The following STARD3 variants were observed in gnomAD, a reference collection of about 807,000 sequenced individuals.
STARD3 encodes StAR related lipid transfer domain containing 3.
Under a neutral mutation model 62.0 loss-of-function variants are expected in STARD3, and 39 were observed. The observed-to-expected ratio is 0.63, with a 90% CI of 0.49 to 0.82. The LOEUF (loss-of-function observed/expected upper bound fraction) is 0.82. Among genes scored for constraint, STARD3 ranks in the 40% least tolerant of loss-of-function variants. STARD3 has a pLI of 0.00. For missense variants in STARD3, 543 were observed against 584.5 expected (o/e 0.93, Z 0.73); for synonymous variants, 229 against 242.4 (o/e 0.94, Z 0.51).
At chr17:39,659,695 C>A in intron 9 of STARD3, 142 bp downstream of exon 9, 1 of 854,770 alleles carries the variant, frequency 1.2e-6, no homozygotes, top group East Asian at 2.7e-5. Flanking sequence ...GCCCTCGGGT[C>A]GGCAGGAGGC....
At position 39,660,394 on chromosome 17, in the gene STARD3, A is replaced by G. The variant is rs377076077; in HGVS notation, c.859-37A>G. 13 of 1,612,052 alleles carry G rather than the reference A, an allele frequency of 8.1e-6. No individual in the cohort carries two copies. In the African/African-American group the frequency reaches 1.5e-4, roughly 18 times the overall value. On this transcript the variant is annotated intron_variant, in intron 10 of 14. Coordinates refer to ENST00000336308, the MANE Select transcript of STARD3 (RefSeq NM_006804.4). This position sits in a 1 kb window ranked among gnomAD's most constrained non-coding sequence, Gnocchi z 4.8. ...GGGAAGGGTTGGTCTGCCCGAGCCC[A>G]TCTGGCACCACCCAGCCCTCTGCCG...
intron 1 of STARD3, among the ~76,000 whole-genome samples, chr17:39,649,865 C>T (rs1479547685): frequency 1.2e-5 from 1 of 84,980 alleles, no homozygotes; most frequent in Admixed American, 1.3e-4. Flanking sequence ...GACTCCGTCT[C>T]AAAAAAAAAA....
chr17:39,648,845 G>A (rs1465099489), intron 1 of STARD3, among the ~76,000 whole-genome samples: 2 of 152,214 alleles, frequency 1.3e-5, no homozygotes, highest in East Asian at 3.8e-4. Context: ...GGGCATGTGA[G>A]TGTCAGTGTG....
At chr17:39,661,945 T>G (rs1222813392) in intron 13 of STARD3, among the ~76,000 whole-genome samples, 2 of 152,134 alleles carry the variant, frequency 1.3e-5, no homozygotes, top group Non-Finnish European at 2.9e-5. Flanking sequence ...AGGGCTGACC[T>G]AGAATCTCTG....
intron 8 of STARD3, 85 bp downstream of exon 8, chr17:39,659,191 G>A: frequency 6.5e-7 from 1 of 1,550,068 alleles, no homozygotes; most frequent in Non-Finnish European, 8.9e-7. Context: ...GGGTGGGCAG[G>A]GGTTTCCCAG....
At chr17:39,654,093 C>T (rs1181915929) in intron 2 of STARD3, among the ~76,000 whole-genome samples, 2 of 152,186 alleles carry the variant, frequency 1.3e-5, no homozygotes, top group African/African-American at 4.8e-5. Context: ...TCTGGCAGAG[C>T]TGTTGAAACC....
Position 39,661,273 on chromosome 17 carries a change from G to C in STARD3, c.1139+188G>C, listed in dbSNP as rs971013536. The stretch of plus-strand genomic sequence containing the variant: ...TCTTGCTGCTCTGTCTGTGGAGATG[G>C]GGGGTGGTGGACAGCTGGAACCAAG... On this transcript the variant is annotated intron_variant, in intron 13 of 14. Transcript: ENST00000336308. 6 of 615,886 alleles carry C rather than the reference G, an allele frequency of 9.7e-6. No homozygotes were observed. The African/African-American group carries it at 1.1e-4, about 11-fold the overall frequency. The allele number at this position is 615,886 out of a possible 1,614,324, so 38.2% of individuals were successfully genotyped here. A position where few individuals can be genotyped will look rare whatever the true frequency, so the allele number is the denominator to read the frequency against.
intron 1 of STARD3, among the ~76,000 whole-genome samples, chr17:39,650,339 C>T (rs765143125): frequency 1.3e-5 from 2 of 152,132 alleles, no homozygotes; most frequent in South Asian, 2.1e-4. Context: ...GCTCGCACAC[C>T]GTCAGGAGCC....
intron 2 of STARD3, among the ~76,000 whole-genome samples, chr17:39,656,447 G>C (rs2057130832): frequency 6.6e-6 from 1 of 152,162 alleles, no homozygotes; most frequent in Non-Finnish European, 1.5e-5. Flanking sequence ...GGTGGGCTGG[G>C]GTAGGGACAG....
Position 39,658,881 on chromosome 17 carries a change from G to A in STARD3, c.646+61G>A, listed in dbSNP as rs969136820. ...AGGGGCCTTGTGAGGAATGGGGTAG[G>A]CTGGGTCTGTTCTTTCTATTCCTTC... On this transcript the variant is annotated intron_variant, in intron 7 of 14. Coordinates refer to ENST00000336308, the MANE Select transcript of STARD3 (RefSeq NM_006804.4). 3 of 1,592,398 alleles carry A rather than the reference G, an allele frequency of 1.9e-6. No homozygotes were observed. In the South Asian group the frequency reaches 3.3e-5, roughly 18 times the overall value.
chr17:39,655,441 C>T (rs2057117926), intron 2 of STARD3, among the ~76,000 whole-genome samples: 1 of 151,994 alleles, frequency 6.6e-6, no homozygotes, highest in African/African-American at 2.4e-5. Flanking sequence ...ATCTCGGCCT[C>T]TCACAGTGCT....
chr17:39,638,317 G>T (rs555646699), intron 1 of STARD3, among the ~76,000 whole-genome samples: 2 of 152,320 alleles, frequency 1.3e-5, no homozygotes, highest in South Asian at 4.1e-4. Context: ...TACGGTGCCA[G>T]TTCCTTGCTG....
intron 1 of STARD3, among the ~76,000 whole-genome samples, chr17:39,645,687 G>T (rs562928837): frequency 3.2e-4 from 48 of 152,102 alleles, no homozygotes; most frequent in African/African-American, 1.1e-3. Flanking sequence ...GGCCAGGCTG[G>T]CCTCAAACTC....
At chr17:39,646,373 C>T (rs1219135457) in intron 1 of STARD3, among the ~76,000 whole-genome samples, 1 of 152,202 alleles carries the variant, frequency 6.6e-6, no homozygotes, top group Non-Finnish European at 1.5e-5. Context: ...CCTCCTCAGG[C>T]TCCTGAGTAG....
At chr17:39,657,702 G>A (rs2145014362) in intron 3 of STARD3, 73 bp from the exon 4 acceptor site, 2 of 1,555,088 alleles carry the variant, frequency 1.3e-6, no homozygotes, top group Non-Finnish European at 1.8e-6. Context: ...GGCAGGACCA[G>A]AGGGGAGGTC....
At chr17:39,653,085 C>G in intron 1 of STARD3, 1 of 199,694 alleles carries the variant, frequency 5.0e-6, no homozygotes, top group Non-Finnish European at 1.0e-5. Flanking sequence ...GCTTGGGGCC[C>G]TCTTCTCCTG....
At position 39,660,224 on chromosome 17, in the gene STARD3, C is replaced by G; in HGVS notation, c.809C>G (p.Thr270Ser). 6.2e-7 allele frequency: 1 copy of G among 1,614,080 alleles called. No homozygotes were observed. The highest frequency in any genetic ancestry group is 2.2e-5 in the East Asian group (1 of 44,882). The change falls in exon 10 of 15, where the codon ACC becomes AGC. Residue 270 changes from threonine to serine, a missense_variant. Physicochemically the swap from Thr to Ser is moderately conservative, Grantham distance 58. Coordinates refer to ENST00000336308, the MANE Select transcript of STARD3 (RefSeq NM_006804.4). This position sits in a 1 kb window ranked among gnomAD's most constrained non-coding sequence, Gnocchi z 4.8. ...TCCCTGCCATAGGAATATGGGGACA[C>G]CGTGTACACCATTGAAGTTCCCTTT... is the stretch of plus-strand genomic sequence containing the variant. ...KFEKNNEYGD[T>S]VYTIEVPFHG... is the part of the protein sequence containing the mutation.
rs765819262 is a variant in STARD3, at chr17:39,657,106, C to G, written c.297+21C>G. On this transcript the variant is annotated intron_variant, in intron 3 of 14. Transcript: ENST00000336308. ...TCTTTGTGAGTGGCCTTGGCTGATC[C>G]TGGGGACCCCGGAGGCAGAGAGGGA... 9.3e-6 allele frequency: 15 copies of G among 1,612,906 alleles called. 1 individual carries two copies. In the South Asian group the frequency reaches 1.5e-4, roughly 17 times the overall value.
intron 1 of STARD3, among the ~76,000 whole-genome samples, chr17:39,647,466 C>T (rs1429004409): frequency 6.6e-6 from 1 of 152,200 alleles, no homozygotes; most frequent in Non-Finnish European, 1.5e-5. Context: ...CCATTCCTGC[C>T]TCCCCCTCAT....
Sources: gnomAD v4.1 joint callset for allele counts (sites outside exome capture counted in the v4.1 genomes callset) on GRCh38, gnomAD v4.1.1 for gene constraint, Gnocchi (gnomAD v3.1) non-coding constraint, MANE v1.5 for transcripts, NCBI Gene and HGNC (gene_info 2026-07-23, HGNC 2026-07-21) for gene names.